The following BABAM2 variants were observed in gnomAD, a reference collection of about 807,000 sequenced individuals.
BABAM2 encodes the protein BRISC and BRCA1-A complex member 2.
BABAM2 carries 31 observed loss-of-function variants against 54.7 expected under a neutral mutation model. The ratio of observed to expected loss-of-function variants is 0.57; its 90% CI spans 0.43 to 0.77. The LOEUF (loss-of-function observed/expected upper bound fraction) is 0.77. BABAM2 is among the 30% of genes least tolerant of loss of function. The pLI is 0.00. For missense variants in BABAM2, 364 were observed against 455.8 expected, an observed-to-expected ratio of 0.80 and a Z score of 1.83; for synonymous variants, 167 against 162.9, an observed-to-expected ratio of 1.03 and a Z score of -0.19.
At chr2:28,094,190 G>A (rs1403606213) in intron 6 of BABAM2, among the ~76,000 whole-genome samples, 1 of 152,126 alleles carries the variant, frequency 6.6e-6, no homozygotes, top group Non-Finnish European at 1.5e-5. Flanking sequence ...TATATGTAGA[G>A]AGAGATGATT....
chr2:28,266,321 T>G (rs1469371881), intron 10 of BABAM2, among the ~76,000 whole-genome samples: 1 of 152,204 alleles, frequency 6.6e-6, no homozygotes, highest in Non-Finnish European at 1.5e-5. Context: ...AGTAGCATAT[T>G]ACATACCTTA....
intron 3 of BABAM2, among the ~76,000 whole-genome samples, chr2:27,939,586 T>A (rs935474682): frequency 3.3e-5 from 5 of 152,206 alleles, no homozygotes; most frequent in African/African-American, 1.2e-4. Flanking sequence ...ATACAAGGAA[T>A]TTGTAATTGG....
chr2:28,059,992 T>C (rs2148637982), intron 6 of BABAM2, among the ~76,000 whole-genome samples: 1 of 152,338 alleles, frequency 6.6e-6, no homozygotes, highest in South Asian at 2.1e-4. Flanking sequence ...GATTTCTAAC[T>C]TGTTCTGTGA....
chr2:28,232,236 A>G (rs900322018), intron 7 of BABAM2, among the ~76,000 whole-genome samples: 16 of 152,146 alleles, frequency 1.1e-4, no homozygotes, highest in Admixed American at 9.8e-4. Flanking sequence ...TCCAGTCTAA[A>G]TTATGTTTTG....
At chr2:28,308,623 A>G in intron 11 of BABAM2, 2 of 351,418 alleles carry the variant, frequency 5.7e-6, no homozygotes, top group African/African-American at 2.1e-5. Context: ...ATGTCTTTTC[A>G]CCATTTAAAA....
chr2:28,040,216 A>T (rs1676960956), intron 5 of BABAM2, among the ~76,000 whole-genome samples: 1 of 151,622 alleles, frequency 6.6e-6, no homozygotes, highest in Non-Finnish European at 1.5e-5. Flanking sequence ...TTTTAAAATT[A>T]TCATGTACTC....
intron 3 of BABAM2, 85 bp downstream of exon 3, chr2:27,929,993 G>A (rs1329758003): frequency 8.0e-7 from 1 of 1,249,170 alleles, no homozygotes; most frequent in African/African-American, 1.5e-5. Flanking sequence ...ATTTCCGGCT[G>A]TTAGTTGTTA....
chr2:28,144,072 G>A (rs1671294229), intron 7 of BABAM2, among the ~76,000 whole-genome samples: 3 of 152,266 alleles, frequency 2.0e-5, no homozygotes, highest in South Asian at 4.1e-4. Context: ...ACTACTGGAC[G>A]TTACATAATT....
chr2:27,983,480 C>A (rs1672164628), intron 3 of BABAM2, among the ~76,000 whole-genome samples: 1 of 152,056 alleles, frequency 6.6e-6, no homozygotes, highest in Non-Finnish European at 1.5e-5. Flanking sequence ...ATTGGCTTGT[C>A]AATTTCTGCA....
chr2:28,272,307 A>C (rs1335609230), intron 10 of BABAM2, among the ~76,000 whole-genome samples: 3 of 152,224 alleles, frequency 2.0e-5, no homozygotes, highest in East Asian at 1.9e-4. Flanking sequence ...TAGGTTTAGA[A>C]ATGTGGTTGC....
At chr2:28,005,024 T>C (rs1233372369) in intron 4 of BABAM2, among the ~76,000 whole-genome samples, 1 of 152,188 alleles carries the variant, frequency 6.6e-6, no homozygotes, top group Non-Finnish European at 1.5e-5. Flanking sequence ...TTTATTTTAC[T>C]TTCAACTACT....
chr2:28,336,399 A>G (rs1691471795), intron 11 of BABAM2, among the ~76,000 whole-genome samples: 1 of 152,126 alleles, frequency 6.6e-6, no homozygotes. Context: ...AGTTTGAGTT[A>G]CAGAGTGACA....
chr2:28,290,585 G>A (rs927588158), intron 10 of BABAM2, among the ~76,000 whole-genome samples: 1 of 152,166 alleles, frequency 6.6e-6, no homozygotes, highest in African/African-American at 2.4e-5. Context: ...GTCATGCGCT[G>A]TACTAAGTGC....
At chr2:28,172,661 T>G (rs556476045) in intron 7 of BABAM2, among the ~76,000 whole-genome samples, 1 of 152,202 alleles carries the variant, frequency 6.6e-6, no homozygotes, top group Admixed American at 6.5e-5. Context: ...CGTGGGTGGG[T>G]GTGGGTGTGC....
At chr2:28,282,167 A>T (rs768624400) in intron 10 of BABAM2, among the ~76,000 whole-genome samples, 41 of 152,220 alleles carry the variant, frequency 2.7e-4, no homozygotes, top group Non-Finnish European at 5.1e-4. Flanking sequence ...ACAGTGTCAG[A>T]TGCCATTAAA....
chr2:27,934,284 T>G (rs1047278754), intron 3 of BABAM2, among the ~76,000 whole-genome samples: 2 of 152,254 alleles, frequency 1.3e-5, no homozygotes, highest in African/African-American at 4.8e-5. Context: ...ATTATTATTC[T>G]GTTATGGTGA....
intron 7 of BABAM2, among the ~76,000 whole-genome samples, chr2:28,207,996 A>G (rs1679053335): frequency 6.6e-6 from 1 of 151,742 alleles, no homozygotes. Flanking sequence ...TAAGCATTTC[A>G]TCAAAAATTG....
intron 4 of BABAM2, among the ~76,000 whole-genome samples, chr2:28,024,580 A>G (rs1055268640): frequency 8.5e-5 from 13 of 152,162 alleles, no homozygotes; most frequent in Non-Finnish European, 1.9e-4. Flanking sequence ...ATTGAGTTCC[A>G]AGCTGAACTA....
chr2:28,039,991 TGGC>T (rs1676945312), intron 5 of BABAM2, among the ~76,000 whole-genome samples: 1 of 152,114 alleles, frequency 6.6e-6, no homozygotes, highest in African/African-American at 2.4e-5. Flanking sequence ...TCTGTTCACT[TGGC>T]GGCATCTAAA....
Sources: gnomAD v4.1 joint callset for allele counts (sites outside exome capture counted in the v4.1 genomes callset) on GRCh38, gnomAD v4.1.1 for gene constraint, MANE v1.5 for transcripts, NCBI Gene and HGNC (gene_info 2026-07-23, HGNC 2026-07-21) for gene names.